GFPT1: variants seen among roughly 807,000 people sequenced by gnomAD.
GFPT1 encodes the protein glutamine--fructose-6-phosphate aminotransferase [isomerizing] 1.
Under a neutral mutation model 92.0 loss-of-function variants are expected in GFPT1, and 40 were observed. The ratio of observed to expected loss-of-function variants is 0.43; its 90% CI spans 0.34 to 0.57. The LOEUF (loss-of-function observed/expected upper bound fraction) is 0.57, where lower values mean the gene tolerates loss of function less well. Ranked by LOEUF, GFPT1 falls within the 20% of genes least tolerant of loss-of-function variation. The pLI is 0.02. For synonymous variants in GFPT1, 269 were observed against 280.6 expected (o/e 0.96, Z 0.41); for missense variants, 448 against 869.1 (o/e 0.52, Z 6.09).
At chr2:69,353,842 AT>A (rs1190961393) in intron 9 of GFPT1, among the ~76,000 whole-genome samples, 1 of 152,250 alleles carries the variant, frequency 6.6e-6, no homozygotes, top group East Asian at 1.9e-4. Flanking sequence ...ATCCAACAAT[AT>A]GTCATGTATA....
chr2:69,337,133 C>T lies in GFPT1; in HGVS notation c.1482+765G>A, dbSNP rs1346574557. ...AGACTGGAGTGCAGTGGCACAATCT[C>T]GCTTCACTGCAACCTCCACCTCCCA... On this transcript the variant is annotated intron_variant, in intron 15 of 19. Coordinates refer to ENST00000357308, the MANE Select transcript of GFPT1 (RefSeq NM_001244710.2). Among the ~76,000 whole-genome samples, 8 of 148,096 alleles carry T rather than the reference C, an allele frequency of 5.4e-5. No individual in the cohort carries two copies. In the East Asian group the frequency reaches 1.6e-3, roughly 29 times the overall value.
intron 11 of GFPT1, among the ~76,000 whole-genome samples, chr2:69,346,800 G>A (rs577615080): frequency 1.3e-5 from 2 of 151,842 alleles, no homozygotes; most frequent in South Asian, 2.1e-4. Context: ...CAAGATCACC[G>A]CTCACTGCAG....
At position 69,360,746 on chromosome 2, in the gene GFPT1, C is replaced by G. The variant is rs149251237; in HGVS notation, c.350-1420G>C. ...ATGCCAGGCCAAAATGTTCTTTTTC[C>G]TTTTCTGAGACAAAGTCTTGCTCTG... On this transcript the variant is annotated intron_variant, in intron 4 of 19. Coordinates refer to ENST00000357308, the MANE Select transcript of GFPT1 (RefSeq NM_001244710.2). Among the ~76,000 whole-genome samples, 573 of 151,952 alleles carry G rather than the reference C, an allele frequency of 3.8e-3. 3 individuals are homozygous for G. The highest frequency in any genetic ancestry group is 0.013 in the African/African-American group (533 of 41,460).
intron 3 of GFPT1, among the ~76,000 whole-genome samples, chr2:69,363,987 C>T (rs796459425): frequency 3.9e-5 from 6 of 151,964 alleles, no homozygotes; most frequent in African/African-American, 1.5e-4. Flanking sequence ...TGGTGGCACG[C>T]GCCTGTAGTC....
intron 13 of GFPT1, 87 bp downstream of exon 13, chr2:69,342,065 G>C: frequency 1.3e-6 from 1 of 745,374 alleles, no homozygotes; most frequent in South Asian, 1.8e-5. Flanking sequence ...ACAAAACATA[G>C]TTTTACACAG....
intron 13 of GFPT1, among the ~76,000 whole-genome samples, chr2:69,341,349 G>A (rs1028610848): frequency 6.6e-6 from 1 of 152,046 alleles, no homozygotes; most frequent in Admixed American, 6.5e-5. Context: ...GAGGTATTTG[G>A]TGTAGTCTTA....
chr2:69,330,650 A>G (rs1489046861), intron 15 of GFPT1, among the ~76,000 whole-genome samples: 2 of 150,974 alleles, frequency 1.3e-5, no homozygotes, highest in African/African-American at 4.9e-5. Flanking sequence ...ATCTGTTATT[A>G]GAAATAATTA....
chr2:69,376,644 G>A (rs967711617), intron 1 of GFPT1, among the ~76,000 whole-genome samples: 1 of 152,176 alleles, frequency 6.6e-6, no homozygotes, highest in Non-Finnish European at 1.5e-5. Context: ...AGCCTGTCGA[G>A]GATTGTTTGC....
intron 1 of GFPT1, among the ~76,000 whole-genome samples, chr2:69,378,474 G>A (rs552436406): frequency 1.3e-5 from 2 of 152,264 alleles, no homozygotes; most frequent in South Asian, 4.1e-4. Context: ...CTTACTAATG[G>A]AATATACTTG....
chr2:69,349,820 A>C (rs1340290519), intron 10 of GFPT1, among the ~76,000 whole-genome samples: 3 of 152,154 alleles, frequency 2.0e-5, no homozygotes, highest in African/African-American at 7.2e-5. Context: ...AGAAGGAAAA[A>C]AATGTAAGAG....
At chr2:69,336,635 TA>T (rs60462236) in intron 15 of GFPT1, among the ~76,000 whole-genome samples, 53,238 of 140,194 alleles carry the variant, frequency 0.38, 9,881 homozygotes, top group Middle Eastern at 0.45. Flanking sequence ...GACCCCATCT[TA>T]AAAAAAAAAA....
At chr2:69,329,140 C>A (rs1670600080) in intron 17 of GFPT1, among the ~76,000 whole-genome samples, 157 bp downstream of exon 17, 1 of 152,200 alleles carries the variant, frequency 6.6e-6, no homozygotes, top group Non-Finnish European at 1.5e-5. Flanking sequence ...GAACAGAGTT[C>A]TCTGTTGCAC....
At chr2:69,327,155 G>T in intron 18 of GFPT1, 80 bp from the exon 19 acceptor site, 1 of 1,225,596 alleles carries the variant, frequency 8.2e-7, no homozygotes, top group Non-Finnish European at 1.2e-6. Context: ...TGCAAAAATT[G>T]CACTGCATAA....
At chr2:69,346,799 C>T (rs1384211799) in intron 11 of GFPT1, among the ~76,000 whole-genome samples, 2 of 151,830 alleles carry the variant, frequency 1.3e-5, no homozygotes, top group Non-Finnish European at 2.9e-5. Context: ...GCAAGATCAC[C>T]GCTCACTGCA....
In GFPT1 at chr2:69,323,667, T is replaced by A. The variant is rs1295336474; in HGVS notation, c.*2522A>T. 2 of 131,310 alleles carry A rather than the reference T, an allele frequency of 1.5e-5. No individual in the cohort carries two copies. The highest frequency in any genetic ancestry group is 3.1e-5 in the Non-Finnish European group (2 of 63,864). The allele number at this position is 131,310 out of a possible 1,614,324, so 8.1% of individuals were successfully genotyped here. A position where few individuals can be genotyped will look rare whatever the true frequency, so the allele number is the denominator to read the frequency against. ...GCACAAGCCACCATGCCCAGCCCAT[T>A]TAAAAAAAAAATTTTTTTTTTTTTT... On this transcript the variant is annotated 3_prime_UTR_variant, in exon 20 of 20. Transcript: ENST00000357308.
At chr2:69,368,616 C>T (rs967166552) in intron 3 of GFPT1, among the ~76,000 whole-genome samples, 1 of 152,198 alleles carries the variant, frequency 6.6e-6, no homozygotes, top group South Asian at 2.1e-4. Context: ...GTAATCCCAG[C>T]CACTCGGGAG....
At chr2:69,349,996 C>T (rs376066690) in intron 10 of GFPT1, 82 bp downstream of exon 10, 1 of 920,340 alleles carries the variant, frequency 1.1e-6, no homozygotes, top group Non-Finnish European at 1.8e-6. Flanking sequence ...CACAACTAGA[C>T]TGATACACAA....
intron 5 of GFPT1, 41 bp from the exon 6 acceptor site, chr2:69,358,504 T>A: frequency 7.2e-7 from 1 of 1,396,456 alleles, no homozygotes; most frequent in Non-Finnish European, 1.0e-6. Flanking sequence ...TAAAGAAATA[T>A]TAATGATAAA....
chr2:69,366,701 T>C (rs1337190337), intron 3 of GFPT1, among the ~76,000 whole-genome samples: 1 of 152,238 alleles, frequency 6.6e-6, no homozygotes, highest in African/African-American at 2.4e-5. Context: ...TCCTCTCACC[T>C]GGTAATTATC....
Sources: allele counts gnomAD v4.1 joint callset (sites outside exome capture counted in the v4.1 genomes callset), GRCh38; gene constraint gnomAD v4.1.1; transcripts MANE v1.5; gene names NCBI Gene and HGNC (gene_info 2026-07-23, HGNC 2026-07-21).